Variants in BAIAP2 observed in about 807,000 individuals in gnomAD.
BAIAP2 encodes the protein BAR/IMD domain containing adaptor protein 2.
Under a neutral mutation model 63.0 loss-of-function variants are expected in BAIAP2, and 18 were observed. The observed-to-expected ratio is 0.29, with a 90% CI of 0.20 to 0.42. The LOEUF (loss-of-function observed/expected upper bound fraction) is 0.42, where lower values mean the gene tolerates loss of function less well. BAIAP2 is among the 10% of genes least tolerant of loss of function. The pLI is 1.00. For synonymous variants in BAIAP2, 386 were observed against 307.6 expected (o/e 1.25, Z -2.67); for missense variants, 610 against 734.3 (o/e 0.83, Z 1.96).
rs375886885 is a variant in BAIAP2 at position 81,116,338 on chromosome 17, C to A, written c.*499C>A. 6.2e-7 allele frequency: 1 copy of A among 1,611,590 alleles called. No homozygotes were observed. Among genetic ancestry groups the A allele is most frequent in the East Asian group, 2.2e-5 (1 of 44,868 alleles). On this transcript the variant is annotated 3_prime_UTR_variant, in exon 14 of 14. Coordinates refer to ENST00000428708, the MANE Select transcript of BAIAP2 (RefSeq NM_001144888.2). The stretch of plus-strand genomic sequence containing the variant: ...GTAAGCACGTAATTCCCTGCAGGTC[C>A]GGCAGCTACACCTGGAGTGTGGGGC...
intron 1 of BAIAP2, among the ~76,000 whole-genome samples, chr17:81,048,356 CAAAAAAAAAAAA>C (rs5822388): frequency 3.3e-5 from 3 of 90,242 alleles, no homozygotes; most frequent in South Asian, 4.0e-4. Flanking sequence ...GACTCTGTCT[CAAAAAAAAAAAA>C]AAAAAAAAAA....
chr17:81,111,007 C>G, intron 13 of BAIAP2: 5 of 1,608,160 alleles, frequency 3.1e-6, no homozygotes, highest in Non-Finnish European at 4.3e-6. Flanking sequence ...TCCAGTGGTT[C>G]TCCACGGGCC....
chr17:81,035,582 A>C (rs28666997), intron 1 of BAIAP2, among the ~76,000 whole-genome samples: 17,435 of 149,316 alleles, frequency 0.12, 1,312 homozygotes, highest in East Asian at 0.32. Context: ...CCCGGGGAGC[A>C]CTCCCCGCTC....
intron 5 of BAIAP2, 87 bp downstream of exon 5, chr17:81,085,812 G>A: frequency 9.5e-7 from 1 of 1,047,158 alleles, no homozygotes; most frequent in East Asian, 2.4e-5. Context: ...CGGCCTGAAG[G>A]CTTCCCACTT....
rs894323159 is a variant in BAIAP2 at position 81,059,257 on chromosome 17, A to G, written c.217+1290A>G. On this transcript the variant is annotated intron_variant, in intron 3 of 13. Coordinates refer to ENST00000428708, the MANE Select transcript of BAIAP2 (RefSeq NM_001144888.2). ...CTGACAGACTGGGGAGGAGAGGAGGAGGCACTCTGGGCGGGGTCCCCGGGC... is the reference window on the plus strand; with the variant it reads ...CTGACAGACTGGGGAGGAGAGGAGGGGGCACTCTGGGCGGGGTCCCCGGGC... Among the ~76,000 whole-genome samples, 3 of 152,106 alleles carry G rather than the reference A, an allele frequency of 2.0e-5. No homozygotes were observed. The East Asian group carries it at 5.8e-4, about 29-fold the overall frequency.
At chr17:81,094,567 C>T (rs2057327323) in intron 6 of BAIAP2, among the ~76,000 whole-genome samples, 1 of 152,168 alleles carries the variant, frequency 6.6e-6, no homozygotes, top group Non-Finnish European at 1.5e-5. Flanking sequence ...TTACCCTCTG[C>T]TCAGCCCAGC....
At chr17:81,079,511 C>T (rs1210385078) in intron 3 of BAIAP2, among the ~76,000 whole-genome samples, 1 of 152,094 alleles carries the variant, frequency 6.6e-6, no homozygotes, top group Non-Finnish European at 1.5e-5. Flanking sequence ...CTTTCTAGCC[C>T]TCCGATGCTC....
intron 13 of BAIAP2, chr17:81,110,410 G>A (rs2059778605): frequency 1.0e-6 from 1 of 990,094 alleles, no homozygotes; most frequent in African/African-American, 1.7e-5. Flanking sequence ...AAGATGTAAA[G>A]TGCTGAACAT....
Position 81,116,310 on chromosome 17 carries a change from C to A in BAIAP2, c.*471C>A, listed in dbSNP as rs754752853. The A allele has an allele frequency of 6.2e-7, 1 of 1,612,682 alleles. No individual in the cohort carries two copies. Among genetic ancestry groups the A allele is most frequent in the South Asian group, 1.1e-5 (1 of 91,092 alleles). On this transcript the variant is annotated 3_prime_UTR_variant, in exon 14 of 14. Transcript: ENST00000428708. ...CGCACCCTGGCTGGAAGATGAACTTCCCGTAAGCACGTAATTCCCTGCAGG... is the reference window on the plus strand; with the variant it reads ...CGCACCCTGGCTGGAAGATGAACTTACCGTAAGCACGTAATTCCCTGCAGG...
intron 3 of BAIAP2, among the ~76,000 whole-genome samples, chr17:81,071,166 A>G (rs1598627833): frequency 6.7e-6 from 1 of 150,158 alleles, no homozygotes; most frequent in South Asian, 2.1e-4. Context: ...TGTAGGTGGG[A>G]GAAGAACTCT....
chr17:81,109,393 AAAG>A (rs555745826), intron 13 of BAIAP2: 176,225 of 910,914 alleles, frequency 0.19, 4,104 homozygotes, highest in South Asian at 0.27. Flanking sequence ...AAAAAAAAAA[AAAG>A]AAAAAAAGAA....
chr17:81,050,918 C>T (rs891737250), intron 1 of BAIAP2, among the ~76,000 whole-genome samples: 7 of 151,796 alleles, frequency 4.6e-5, no homozygotes, highest in Non-Finnish European at 1.0e-4. Flanking sequence ...ATTTCCCGAC[C>T]GCCTTCACCG....
intron 3 of BAIAP2, among the ~76,000 whole-genome samples, chr17:81,075,887 C>T (rs1332587354): frequency 6.6e-6 from 1 of 152,104 alleles, no homozygotes; most frequent in African/African-American, 2.4e-5. Context: ...TCTGTCCTGG[C>T]ACGGAGGTTC....
chr17:81,096,414 C>T (rs2057620549), intron 6 of BAIAP2, among the ~76,000 whole-genome samples: 1 of 152,228 alleles, frequency 6.6e-6, no homozygotes, highest in South Asian at 2.1e-4. Flanking sequence ...CCGAATAGCT[C>T]CCTCCAAAGC....
Position 81,057,969 on chromosome 17 carries a change from T to TGGGGGGGGGGGGGGGGG in BAIAP2, c.217+3_217+4insGGGGGGGGGGGGGGGGG. On this transcript the variant is annotated splice_region_variant and intron_variant, in intron 3 of 13. Transcript: ENST00000428708. ...AGAGCCAGGGCTCCAAAGAACTCGG[T>TGGGGGGGGGGGGGGGGG]GAGACCCCCCCCCCCCCCCCGCCTG... 2 of 964,860 alleles carry TGGGGGGGGGGGGGGGGG rather than the reference T, an allele frequency of 2.1e-6. No homozygotes were observed. Among genetic ancestry groups the TGGGGGGGGGGGGGGGGG allele is most frequent in the Non-Finnish European group, 1.4e-6 (1 of 713,584 alleles). 59.8% of individuals were successfully genotyped at this position (964,860 alleles called of 1,614,324 possible).
intron 3 of BAIAP2, among the ~76,000 whole-genome samples, chr17:81,075,088 G>A (rs1191359595): frequency 6.6e-6 from 1 of 152,228 alleles, no homozygotes; most frequent in Non-Finnish European, 1.5e-5. Context: ...GAACCCCTGG[G>A]TGTGGTTGTG....
chr17:81,037,042 C>T, intron 1 of BAIAP2: 2 of 1,167,856 alleles, frequency 1.7e-6, no homozygotes, highest in Non-Finnish European at 1.2e-6. Context: ...GGGCAGTAGG[C>T]CTTCACCTAG....
rs768175454 is a variant in BAIAP2 at position 81,116,212 on chromosome 17, A to G, written c.*373A>G. 1.5e-5 allele frequency: 24 copies of G among 1,609,082 alleles called. No homozygotes were observed. Among genetic ancestry groups the G allele is most frequent in the Non-Finnish European group, 2.0e-5 (24 of 1,177,184 alleles). ...CTGCTGCTTCTCCTGCCTAATAAAC[A>G]GGCTTCTCCTGCACCAGGTGTGATC... On this transcript the variant is annotated 3_prime_UTR_variant, in exon 14 of 14. Coordinates refer to ENST00000428708, the MANE Select transcript of BAIAP2 (RefSeq NM_001144888.2).
intron 6 of BAIAP2, among the ~76,000 whole-genome samples, chr17:81,093,881 C>T (rs1401292118): frequency 6.6e-6 from 1 of 152,210 alleles, no homozygotes; most frequent in Admixed American, 6.5e-5. Context: ...GTGTGAAGCC[C>T]ATCCTCGTTT....
Sources: allele counts gnomAD v4.1 joint callset (sites outside exome capture counted in the v4.1 genomes callset), GRCh38; gene constraint gnomAD v4.1.1; transcripts MANE v1.5; gene names NCBI Gene and HGNC (gene_info 2026-07-23, HGNC 2026-07-21).